GGA2: variants seen among roughly 807,000 people sequenced by gnomAD.
GGA2 encodes the protein ADP-ribosylation factor-binding protein GGA2.
Under a neutral mutation model 79.5 loss-of-function variants are expected in GGA2, and 48 were observed. The observed-to-expected ratio is 0.60, with a 90% confidence interval of 0.48 to 0.77. GGA2 has a LOEUF of 0.77. GGA2 is among the 30% of genes least tolerant of loss of function. The pLI, the probability that GGA2 is intolerant of heterozygous loss-of-function variation, is 0.00. For synonymous variants in GGA2, 317 were observed against 302.0 expected (o/e 1.05, Z -0.51); for missense variants, 770 against 774.0 (o/e 0.99, Z 0.06).
chr16:23,477,407 C>G (rs1251484002), intron 13 of GGA2, among the ~76,000 whole-genome samples: 2 of 152,102 alleles, frequency 1.3e-5, no homozygotes, highest in African/African-American at 2.4e-5. Flanking sequence ...AAGGGGAAAC[C>G]CTTTTTCGTT....
At chr16:23,485,521 T>A (rs1964700735) in intron 8 of GGA2, among the ~76,000 whole-genome samples, 1 of 152,068 alleles carries the variant, frequency 6.6e-6, no homozygotes, top group Admixed American at 6.6e-5. Flanking sequence ...TCCCAGACAT[T>A]TACCCATAAG....
At chr16:23,480,305 G>GTGATTC (rs2142121213) in intron 10 of GGA2, 1 of 314,588 alleles carries the variant, frequency 3.2e-6, no homozygotes, top group South Asian at 4.5e-5. Flanking sequence ...AGTGCTCCAG[G>GTGATTC]TGATTCTGAT....
intron 2 of GGA2, among the ~76,000 whole-genome samples, chr16:23,517,645 C>A (rs1045973452): frequency 1.3e-5 from 2 of 152,172 alleles, no homozygotes; most frequent in African/African-American, 2.4e-5. Flanking sequence ...CAGTCCTGAA[C>A]AACTTTGTGA....
At chr16:23,495,578 T>C (rs1964844338) in intron 2 of GGA2, 116 bp downstream of exon 2, 2 of 519,382 alleles carry the variant, frequency 3.9e-6, no homozygotes, top group African/African-American at 3.8e-5. Context: ...ATTATAGGCA[T>C]GAGCCACCGA....
chr16:23,469,085 A>C (rs1379940797), intron 15 of GGA2, 89 bp from the exon 16 acceptor site: 2 of 796,356 alleles, frequency 2.5e-6, no homozygotes, highest in Non-Finnish European at 4.4e-6. Context: ...GACCTCCCCA[A>C]CACCCCTCCA....
intron 8 of GGA2, among the ~76,000 whole-genome samples, chr16:23,484,664 A>G (rs1964690533): frequency 6.6e-6 from 1 of 152,244 alleles, no homozygotes; most frequent in Non-Finnish European, 1.5e-5. Flanking sequence ...GAAAGTTGCA[A>G]TGAGACAGTA....
upstream of GGA2, among the ~76,000 whole-genome samples, chr16:23,514,738 C>T (rs1005407519): frequency 5.3e-5 from 8 of 152,220 alleles, no homozygotes; most frequent in African/African-American, 1.7e-4. Context: ...CATACCTGGT[C>T]TTAACCCGTC....
chr16:23,503,188 C>T (rs1250808278), intron 1 of GGA2, among the ~76,000 whole-genome samples: 1 of 152,170 alleles, frequency 6.6e-6, no homozygotes, highest in Non-Finnish European at 1.5e-5. Flanking sequence ...TTTGGAATAT[C>T]CCACTGTCGA....
chr16:23,492,927 G>A (rs7203580), intron 4 of GGA2, among the ~76,000 whole-genome samples: 130,602 of 152,192 alleles, frequency 0.86, 56,354 homozygotes, highest in African/African-American at 0.93. Flanking sequence ...GGCCAGCATC[G>A]GCACTGTTGT....
At chr16:23,503,383 A>G (rs1229071985) in intron 1 of GGA2, among the ~76,000 whole-genome samples, 1 of 152,228 alleles carries the variant, frequency 6.6e-6, no homozygotes, top group Admixed American at 6.5e-5. Context: ...TATTTTATAT[A>G]TTAAAAATTG....
At chr16:23,497,295 G>C (rs1235197768) in intron 1 of GGA2, among the ~76,000 whole-genome samples, 2 of 152,088 alleles carry the variant, frequency 1.3e-5, no homozygotes, top group Non-Finnish European at 2.9e-5. Flanking sequence ...TGTCCACTCT[G>C]TTCCTCTCAG....
chr16:23,488,923 A>G (rs2142129001), intron 5 of GGA2, among the ~76,000 whole-genome samples: 1 of 152,312 alleles, frequency 6.6e-6, no homozygotes, highest in South Asian at 2.1e-4. Context: ...AGCAGAGCCA[A>G]CTATGTCAGA....
chr16:23,520,042 T>A (rs1386922161), intron 1 of GGA2, among the ~76,000 whole-genome samples: 1 of 152,072 alleles, frequency 6.6e-6, no homozygotes, highest in East Asian at 1.9e-4. Flanking sequence ...AGGTCGGCAG[T>A]TTGAGACCAG....
At chr16:23,477,805 C>T (rs951772914) in intron 13 of GGA2, among the ~76,000 whole-genome samples, 1 of 152,106 alleles carries the variant, frequency 6.6e-6, no homozygotes, top group Non-Finnish European at 1.5e-5. Context: ...ACTGGGAGGC[C>T]TCCCCAGCCA....
rs1964405996 is a variant in GGA2 at position 23,464,157 on chromosome 16, T to C, written c.*3433A>G. Reference sequence around the variant, plus strand: ...ACTATTTGTACTAGGTAATATTCACTTTTCTTTTGGTTGTCATTTATTGTT... The same window carrying C: ...ACTATTTGTACTAGGTAATATTCACCTTTCTTTTGGTTGTCATTTATTGTT... On this transcript the variant is annotated 3_prime_UTR_variant, in exon 17 of 17. Coordinates refer to ENST00000309859, the MANE Select transcript of GGA2 (RefSeq NM_015044.4). The C allele has an allele frequency of 6.6e-6, 1 of 152,220 alleles. No homozygotes were observed. Among genetic ancestry groups the C allele is most frequent in the South Asian group, 2.1e-4 (1 of 4,832 alleles). 9.4% of individuals were successfully genotyped at this position (152,220 alleles called of 1,614,324 possible).
At chr16:23,493,695 A>G (rs939849251) in intron 3 of GGA2, 53 of 490,582 alleles carry the variant, frequency 1.1e-4, no homozygotes, top group Non-Finnish European at 1.8e-4. Context: ...TTAGTGAGGT[A>G]TGTCAAACCC....
In GGA2 at chr16:23,510,311, G is replaced by A. The variant is rs1567371934; in HGVS notation, c.91+10C>T. The A allele has an allele frequency of 1.4e-6, 2 of 1,426,164 alleles. No individual in the cohort carries two copies. Among genetic ancestry groups the A allele is most frequent in the South Asian group, 1.4e-5 (1 of 73,588 alleles). 88.3% of individuals were successfully genotyped at this position (1,426,164 alleles called of 1,614,324 possible). On this transcript the variant is annotated intron_variant, in intron 1 of 16. Coordinates refer to ENST00000309859, the MANE Select transcript of GGA2 (RefSeq NM_015044.4). ...CAGCGGCTGCGCCGAAGGCCTGCCA[G>A]GCTACTCACTGAGCCACAGCTCCAG...
upstream of GGA2, among the ~76,000 whole-genome samples, chr16:23,513,921 A>G (rs1264907243): frequency 2.0e-5 from 3 of 152,092 alleles, no homozygotes; most frequent in Non-Finnish European, 4.4e-5. Flanking sequence ...GGAGTGATAT[A>G]CAGGTAAGCC....
intron 1 of GGA2, chr16:23,501,626 C>A (rs1964922966): frequency 7.9e-6 from 2 of 252,084 alleles, no homozygotes; most frequent in East Asian, 1.0e-4. Flanking sequence ...GGGCTGTCAG[C>A]ATGAATTTCA....
Sources: gnomAD v4.1 joint callset for allele counts (sites outside exome capture counted in the v4.1 genomes callset) on GRCh38, gnomAD v4.1.1 for gene constraint, MANE v1.5 for transcripts, NCBI Gene and HGNC (gene_info 2026-07-23, HGNC 2026-07-21) for gene names.